The following RAMP3 variants were observed in gnomAD, a reference collection of about 807,000 sequenced individuals.
RAMP3 encodes the protein receptor activity-modifying protein 3.
RAMP3 carries 14 observed loss-of-function variants against 13.5 expected under a neutral mutation model. The observed-to-expected ratio is 1.04, with a 90% CI of 0.69 to 1.63. RAMP3 has a LOEUF of 1.63. Ranked by LOEUF, RAMP3 falls within the 40% of genes most tolerant of loss-of-function variation. The pLI, the probability that RAMP3 is intolerant of heterozygous loss-of-function variation, is 0.00. For synonymous variants in RAMP3, 106 were observed against 88.3 expected (o/e 1.20, Z -1.12); for missense variants, 200 against 204.8 (o/e 0.98, Z 0.14).
chr7:45,159,689 A>G (rs988770626), intron 1 of RAMP3, among the ~76,000 whole-genome samples: 1 of 152,174 alleles, frequency 6.6e-6, no homozygotes, highest in African/African-American at 2.4e-5. Flanking sequence ...AATAATAGCA[A>G]TCTGTAAAGG....
In RAMP3 at chr7:45,173,142, C is replaced by T. The variant is rs190797333; in HGVS notation, c.59-4167C>T. On this transcript the variant is annotated intron_variant, in intron 1 of 2. Coordinates refer to ENST00000242249, the MANE Select transcript of RAMP3 (RefSeq NM_005856.3). ...AATCCATGGCCCTCTGGGTTCCACT[C>T]CATCTAGTCTTTAGCTTGATAATTT... Among the ~76,000 whole-genome samples, 407 of 152,316 alleles carry T rather than the reference C, an allele frequency of 2.7e-3. 1 individual carries two copies. Among genetic ancestry groups the T allele is most frequent in the African/African-American group, 9.1e-3 (380 of 41,556 alleles).
At chr7:45,162,994 T>C (rs962106635) in intron 1 of RAMP3, among the ~76,000 whole-genome samples, 2 of 152,202 alleles carry the variant, frequency 1.3e-5, no homozygotes, top group East Asian at 3.8e-4. Flanking sequence ...TGGACTGGAA[T>C]CTACATTGCT....
chr7:45,167,256 C>T (rs1562952734), intron 1 of RAMP3, among the ~76,000 whole-genome samples: 1 of 152,106 alleles, frequency 6.6e-6, no homozygotes, highest in Non-Finnish European at 1.5e-5. Flanking sequence ...GGCGCCCGGC[C>T]TGTGATCCAT....
At chr7:45,166,489 C>T (rs1427104369) in intron 1 of RAMP3, among the ~76,000 whole-genome samples, 1 of 152,034 alleles carries the variant, frequency 6.6e-6, no homozygotes, top group Non-Finnish European at 1.5e-5. Flanking sequence ...TATCCTTTGC[C>T]CATTTTTAAT....
chr7:45,166,963 T>C (rs1785975130), intron 1 of RAMP3, among the ~76,000 whole-genome samples: 1 of 145,708 alleles, frequency 6.9e-6, no homozygotes, highest in Non-Finnish European at 1.5e-5. Flanking sequence ...TGATGCTTTT[T>C]TTTTTTTTTT....
At chr7:45,182,184 A>G (rs1202691519) in intron 2 of RAMP3, among the ~76,000 whole-genome samples, 1 of 152,172 alleles carries the variant, frequency 6.6e-6, no homozygotes, top group Non-Finnish European at 1.5e-5. Flanking sequence ...CTACTTTCCC[A>G]TGGGGAAGCC....
intron 1 of RAMP3, among the ~76,000 whole-genome samples, chr7:45,160,560 G>T (rs981448805): frequency 2.6e-5 from 4 of 151,906 alleles, no homozygotes; most frequent in Admixed American, 6.6e-5. Flanking sequence ...GCCTCCCAAG[G>T]TCGACTGACC....
At chr7:45,170,830 T>C (rs1260566185) in intron 1 of RAMP3, among the ~76,000 whole-genome samples, 1 of 152,056 alleles carries the variant, frequency 6.6e-6, no homozygotes, top group East Asian at 1.9e-4. Context: ...TTTTATTTTA[T>C]AGAGATGAAG....
In RAMP3 at chr7:45,171,672, T is replaced by A. The variant is rs534213368; in HGVS notation, c.59-5637T>A. Among the ~76,000 whole-genome samples the A allele has an allele frequency of 2.8e-4, 43 of 152,292 alleles. 1 individual carries two copies. The highest frequency in any genetic ancestry group is 6.8e-3 in the Middle Eastern group (2 of 294). On this transcript the variant is annotated intron_variant, in intron 1 of 2. Transcript: ENST00000242249. ...CCCGGGCTGTAGTGCAGTGGCATGA[T>A]CATGGCTCACTGTAGCCTCAGACTC...
At position 45,174,075 on chromosome 7, in the gene RAMP3, G is replaced by A. The variant is rs3779404; in HGVS notation, c.59-3234G>A. Among the ~76,000 whole-genome samples, 2,130 of 152,230 alleles carry A rather than the reference G, an allele frequency of 0.014. 235 individuals carry two copies. The East Asian group carries it at 0.29, about 21-fold the overall frequency. ...TGAGGAAATGGACAAGGCCCAGTGA[G>A]AGCAGACAGGATGGGGAGCACCGTG... On this transcript the variant is annotated intron_variant, in intron 1 of 2. Transcript: ENST00000242249.
intron 1 of RAMP3, among the ~76,000 whole-genome samples, chr7:45,170,640 TTTTA>T (rs1002907945): frequency 1.3e-5 from 2 of 151,884 alleles, no homozygotes; most frequent in Non-Finnish European, 2.9e-5. Context: ...CCCGGCCTTA[TTTTA>T]TTTATTTATT....
chr7:45,163,825 TC>T lies in RAMP3; in HGVS notation c.58+5940del, dbSNP rs1312091061. ...GTGGGGCATCTGGAGGGTGGCACGG[TC>T]AAGCTTCAGAAGGACACGGGCCTCC... On this transcript the variant is annotated intron_variant, in intron 1 of 2. Transcript: ENST00000242249. The T allele has an allele frequency of 3.0e-6, 3 of 985,184 alleles. No homozygotes were observed. The African/African-American group carries it at 5.2e-5, about 17-fold the overall frequency. 61.0% of individuals were successfully genotyped at this position (985,184 alleles called of 1,614,324 possible). A position where few individuals can be genotyped will look rare whatever the true frequency, so the allele number is the denominator to read the frequency against.
chr7:45,177,179 C>A (rs1786204295), intron 1 of RAMP3, 130 bp from the exon 2 acceptor site: 4 of 1,233,628 alleles, frequency 3.2e-6, no homozygotes, highest in Non-Finnish European at 4.5e-6. Context: ...AAGGACTCCG[C>A]TGGAACGGTC....
At chr7:45,181,988 G>A (rs1208306948) in intron 2 of RAMP3, among the ~76,000 whole-genome samples, 1 of 152,178 alleles carries the variant, frequency 6.6e-6, no homozygotes, top group Non-Finnish European at 1.5e-5. Flanking sequence ...GACCCTTCCT[G>A]GGGCATGGGG....
rs76874371 is a variant in RAMP3 at position 45,167,411 on chromosome 7, A to G, written c.58+9525A>G. Among the ~76,000 whole-genome samples the G allele has an allele frequency of 6.8e-3, 1,041 of 152,318 alleles. 10 individuals are homozygous for G. The highest frequency in any genetic ancestry group is 0.024 in the African/African-American group (984 of 41,566). ...TGGTACCTTTGTAGAAAATCAATTT[A>G]TCATAAGTGTGAGGGTGTATTCCTG... On this transcript the variant is annotated intron_variant, in intron 1 of 2. Transcript: ENST00000242249.
At position 45,183,723 on chromosome 7, in the gene RAMP3, G is replaced by A. The variant is rs574454142; in HGVS notation, c.*311G>A. On this transcript the variant is annotated 3_prime_UTR_variant, in exon 3 of 3. Coordinates refer to ENST00000242249, the MANE Select transcript of RAMP3 (RefSeq NM_005856.3). ...CCTGTGCTCCGCAGGCTGGGCCGGA[G>A]CCTCTGCCCGCAGGTTTCTATGCTG... is the stretch of plus-strand genomic sequence containing the variant. The A allele has an allele frequency of 3.5e-6, 2 of 573,940 alleles. No homozygotes were observed. The highest frequency in any genetic ancestry group is 3.7e-5 in the African/African-American group (2 of 53,664). 35.6% of individuals were successfully genotyped at this position (573,940 alleles called of 1,614,324 possible).
intron 1 of RAMP3, among the ~76,000 whole-genome samples, chr7:45,164,913 C>G (rs1054250353): frequency 6.6e-6 from 1 of 152,254 alleles, no homozygotes; most frequent in East Asian, 1.9e-4. Flanking sequence ...ATTTGACAAT[C>G]TTTGCTTCTT....
chr7:45,174,617 C>T (rs1786143714), intron 1 of RAMP3, among the ~76,000 whole-genome samples: 1 of 152,162 alleles, frequency 6.6e-6, no homozygotes, highest in African/African-American at 2.4e-5. Context: ...GTCATGTCCC[C>T]TTCCCGCCAC....
rs753138723 is a variant in RAMP3, at chr7:45,177,300, C to T, written c.59-9C>T. The T allele has an allele frequency of 1.9e-6, 3 of 1,613,898 alleles. No homozygotes were observed. Among genetic ancestry groups the T allele is most frequent in the Admixed American group, 3.3e-5 (2 of 59,990 alleles). ...TGTAGTGGAATTCTTATGGCTGTCCCCTCTCCAGGTGGGTGTCCCAGAGCA... is the reference window on the plus strand; with the variant it reads ...TGTAGTGGAATTCTTATGGCTGTCCTCTCTCCAGGTGGGTGTCCCAGAGCA... On this transcript the variant is annotated splice_polypyrimidine_tract_variant and intron_variant, in intron 1 of 2. Transcript: ENST00000242249.
Sources: gnomAD v4.1 joint callset for allele counts (sites outside exome capture counted in the v4.1 genomes callset) on GRCh38, gnomAD v4.1.1 for gene constraint, MANE v1.5 for transcripts, NCBI Gene and HGNC (gene_info 2026-07-23, HGNC 2026-07-21) for gene names.